The following CDKL3 variants were observed in gnomAD, a reference collection of about 807,000 sequenced individuals.
CDKL3 encodes cyclin-dependent kinase-like 3.
A neutral mutation model predicts 69.3 loss-of-function variants in CDKL3; 65 were observed. The ratio of observed to expected loss-of-function variants is 0.94; its 90% CI spans 0.77 to 1.15. The LOEUF is 1.15. Ranked by LOEUF, CDKL3 falls within the 50% of genes most tolerant of loss-of-function variation. CDKL3 has a pLI of 0.00. For synonymous variants in CDKL3, 202 were observed against 221.6 expected, an observed-to-expected ratio of 0.91 and a Z score of 0.79; for missense variants, 652 against 689.2, an observed-to-expected ratio of 0.95 and a Z score of 0.61.
rs563990020 is a variant in CDKL3, at chr5:134,350,286, C to G, written c.502G>C (p.Ala168Pro). 6.3e-7 allele frequency: 1 copy of G among 1,590,744 alleles called. No individual in the cohort carries two copies. The highest frequency in any genetic ancestry group is 2.3e-5 in the East Asian group (1 of 44,268). Reference protein sequence around the residue: ...TDYVATRWYRAPELVLKDTSY... With the variant: ...TDYVATRWYRPPELVLKDTSY... The stretch of plus-strand genomic sequence containing the variant: ...GTATCTTTTAATACTAATTCGGGAG[C>G]TCTATACCAGCGTGTGGCCACATAG... The change falls in exon 4 of 13, where the codon GCT (alanine) becomes CCT (proline). Residue 168 changes from alanine (A) to proline (P), a missense_variant. Ala to Pro is a conservative substitution (Grantham distance 27). Transcript: ENST00000265334.
chr5:134,370,471 A>C (rs895522447), upstream of CDKL3, among the ~76,000 whole-genome samples: 6 of 152,186 alleles, frequency 3.9e-5, no homozygotes, highest in Admixed American at 3.3e-4. Context: ...CAGAATATGA[A>C]TCATATTTGT....
intron 8 of CDKL3, among the ~76,000 whole-genome samples, chr5:134,288,055 C>A (rs549316766): frequency 1.3e-3 from 204 of 152,172 alleles, no homozygotes; most frequent in Non-Finnish European, 2.2e-3. Flanking sequence ...CCACCACACC[C>A]AGCTAATTTT....
chr5:134,307,361 T>C (rs1255343423), intron 9 of CDKL3, among the ~76,000 whole-genome samples: 2 of 152,192 alleles, frequency 1.3e-5, no homozygotes, highest in Non-Finnish European at 2.9e-5. Flanking sequence ...TTGTTACTGA[T>C]ACCATGGTTT....
At chr5:134,302,099 T>C (rs1280750372) in intron 12 of CDKL3, 4 of 453,708 alleles carry the variant, frequency 8.8e-6, no homozygotes, top group Non-Finnish European at 1.8e-5. Context: ...TTTGAGAATC[T>C]CTCTGGTGGG....
chr5:134,343,521 G>A (rs1423455132), intron 4 of CDKL3, among the ~76,000 whole-genome samples: 1 of 152,166 alleles, frequency 6.6e-6, no homozygotes, highest in African/African-American at 2.4e-5. Flanking sequence ...GCCTTTGTAG[G>A]ACTAACATTA....
chr5:134,299,882 C>A, intron 12 of CDKL3: 1 of 586,652 alleles, frequency 1.7e-6, no homozygotes, highest in Non-Finnish European at 2.9e-6. Context: ...AACTATTTAG[C>A]AATGTATTCC....
At chr5:134,366,298 A>AT (rs2149676394) in intron 2 of CDKL3, 61 bp downstream of exon 2, 2 of 1,260,220 alleles carry the variant, frequency 1.6e-6, no homozygotes, top group East Asian at 5.1e-5. Context: ...ATTTTATGCA[A>AT]TTTTTTATTC....
chr5:134,324,576 G>A (rs758936084), intron 4 of CDKL3, among the ~76,000 whole-genome samples: 1 of 152,084 alleles, frequency 6.6e-6, no homozygotes, highest in Non-Finnish European at 1.5e-5. Context: ...TATATTGCTA[G>A]GTCAAAGAAG....
intron 11 of CDKL3, among the ~76,000 whole-genome samples, chr5:134,303,675 C>G (rs568707627): frequency 2.6e-5 from 4 of 151,278 alleles, no homozygotes; most frequent in Non-Finnish European, 5.9e-5. Context: ...GGAACCCCCC[C>G]CCCGTCTCTA....
chr5:134,318,782 GC>G (rs1485828333), intron 6 of CDKL3, among the ~76,000 whole-genome samples: 1 of 151,994 alleles, frequency 6.6e-6, no homozygotes, highest in Non-Finnish European at 1.5e-5. Flanking sequence ...ACCCTGCCTG[GC>G]CCATTTCTCC....
In CDKL3 at chr5:134,304,488, T is replaced by A. The variant is rs1481083339; in HGVS notation, c.1538A>T (p.Asn513Ile). 6.2e-7 allele frequency: 1 copy of A among 1,612,820 alleles called. No homozygotes were observed. Among genetic ancestry groups the A allele is most frequent in the African/African-American group, 1.3e-5 (1 of 74,908 alleles). The change falls in exon 11 of 13, where the codon AAT becomes ATT. Residue 513 changes from asparagine to isoleucine, a missense_variant. Asn to Ile is a moderately radical substitution (Grantham distance 149). Coordinates refer to ENST00000265334, the MANE Select transcript of CDKL3 (RefSeq NM_001113575.2). The stretch of plus-strand genomic sequence containing the variant: ...TTCTTTCCTGTCAGATCTGGAAAAA[T>A]TCAGCTTCCTTTTGTTCTCATTTGC... ...QMANENKRKL[N>I]FSRSDRKEFH...
chr5:134,326,839 A>T (rs868030030), intron 4 of CDKL3, among the ~76,000 whole-genome samples: 1 of 104,894 alleles, frequency 9.5e-6, no homozygotes, highest in Admixed American at 1.0e-4. Flanking sequence ...ATATATATAT[A>T]TATATATATA....
downstream of CDKL3, among the ~76,000 whole-genome samples, chr5:134,283,389 T>A (rs761548921): frequency 5.9e-5 from 9 of 152,172 alleles, no homozygotes; most frequent in Non-Finnish European, 1.0e-4. Flanking sequence ...TGCACATGGC[T>A]GGGGAGGCTT....
downstream of CDKL3, chr5:134,298,188 C>T (rs1765484701): frequency 1.1e-6 from 1 of 879,016 alleles, no homozygotes; most frequent in Non-Finnish European, 1.4e-6. Context: ...CCTGCCTCAG[C>T]CTCCCAAAGT....
upstream of CDKL3, chr5:134,367,255 G>C (rs1757671987): frequency 3.0e-6 from 3 of 985,430 alleles, no homozygotes; most frequent in South Asian, 1.4e-4. Flanking sequence ...CTCTGGGTAG[G>C]CGCAAGGTGG....
chr5:134,339,885 C>T (rs770713017), intron 4 of CDKL3, among the ~76,000 whole-genome samples: 1 of 152,128 alleles, frequency 6.6e-6, no homozygotes, highest in Non-Finnish European at 1.5e-5. Context: ...CACAGTAGCT[C>T]ATTCCTTTAA....
chr5:134,357,349 C>T (rs1449071477), intron 3 of CDKL3, among the ~76,000 whole-genome samples: 1 of 152,030 alleles, frequency 6.6e-6, no homozygotes, highest in African/African-American at 2.4e-5. Flanking sequence ...GAGGCTGAGG[C>T]AGGAGAATCA....
chr5:134,325,411 A>G (rs953196284), intron 4 of CDKL3, among the ~76,000 whole-genome samples: 6 of 152,206 alleles, frequency 3.9e-5, no homozygotes, highest in African/African-American at 1.4e-4. Flanking sequence ...TTATTTCACA[A>G]GTTTTAAGAA....
chr5:134,325,051 GCCTGT>G (rs1286076836), intron 4 of CDKL3, among the ~76,000 whole-genome samples: 2 of 152,144 alleles, frequency 1.3e-5, no homozygotes, highest in East Asian at 3.9e-4. Flanking sequence ...GGTGGCTCAT[GCCTGT>G]AGTCCCAGCT....
Sources: allele counts gnomAD v4.1 joint callset (sites outside exome capture counted in the v4.1 genomes callset), GRCh38; gene constraint gnomAD v4.1.1; transcripts MANE v1.5; gene names NCBI Gene and HGNC (gene_info 2026-07-23, HGNC 2026-07-21).